The following SCTR variants were observed in gnomAD, a reference collection of about 807,000 sequenced individuals.
SCTR encodes secretin receptor.
In SCTR, 56 loss-of-function variants were observed where a neutral mutation model predicts 60.8. The observed-to-expected ratio is 0.92, with a 90% confidence interval of 0.74 to 1.15. The LOEUF is 1.15. Ranked by LOEUF, SCTR falls within the 50% of genes most tolerant of loss-of-function variation. SCTR has a pLI of 0.00. For synonymous variants in SCTR, 202 were observed against 217.0 expected (o/e 0.93, Z 0.61); for missense variants, 562 against 550.4 (o/e 1.02, Z -0.21).
intron 5 of SCTR, 48 bp downstream of exon 5, chr2:119,465,741 T>C (rs1479363500): frequency 1.5e-6 from 2 of 1,302,034 alleles, no homozygotes; most frequent in Non-Finnish European, 2.2e-6. Context: ...ACCCAAAGTC[T>C]GTACCTGAGG....
chr2:119,448,864 G>A (rs1373300556), intron 9 of SCTR, 84 bp from the exon 10 acceptor site: 3 of 744,732 alleles, frequency 4.0e-6, no homozygotes, highest in Admixed American at 2.1e-5. Flanking sequence ...GGACCTGAGG[G>A]CAGAGAAGAC....
intron 7 of SCTR, among the ~76,000 whole-genome samples, chr2:119,456,543 AG>A (rs1249768498): frequency 5.9e-5 from 9 of 152,316 alleles, no homozygotes; most frequent in Admixed American, 2.0e-4. Context: ...GAAAGGAAAC[AG>A]GATTTGTGGA....
At position 119,515,728 on chromosome 2, in the gene SCTR, T is replaced by A. The variant is rs944669506; in HGVS notation, c.72+8427A>T. Among the ~76,000 whole-genome samples the A allele has an allele frequency of 6.6e-5, 10 of 152,182 alleles. 1 individual carries two copies. The highest frequency in any genetic ancestry group is 2.4e-4 in the African/African-American group (10 of 41,456). On this transcript the variant is annotated intron_variant, in intron 1 of 12. Transcript: ENST00000019103. ...AGCTTCTGACTGAGTTCCACCATCA[T>A]CTTCCCTGATTCTGAGGCGGTCAGA...
intron 1 of SCTR, among the ~76,000 whole-genome samples, chr2:119,496,898 C>T (rs895363751): frequency 6.6e-6 from 1 of 152,132 alleles, no homozygotes; most frequent in African/African-American, 2.4e-5. Context: ...TGGTAACCAG[C>T]CTTGGTGATG....
At chr2:119,473,607 T>C in intron 3 of SCTR, 51 bp from the exon 4 acceptor site, 1 of 1,101,458 alleles carries the variant, frequency 9.1e-7, no homozygotes, top group Non-Finnish European at 1.4e-6. Flanking sequence ...GGCACTGTGA[T>C]TTTCATAGTA....
At chr2:119,444,434 TACAC>T (rs1558831289) in intron 11 of SCTR, among the ~76,000 whole-genome samples, 8 of 109,324 alleles carry the variant, frequency 7.3e-5, no homozygotes, top group Non-Finnish European at 1.1e-4. Flanking sequence ...CGTATGAATA[TACAC>T]ATATATATAC....
At chr2:119,519,042 A>G (rs1172506207) in intron 1 of SCTR, among the ~76,000 whole-genome samples, 3 of 151,980 alleles carry the variant, frequency 2.0e-5, no homozygotes, top group Non-Finnish European at 4.4e-5. Flanking sequence ...ATCTCAGCTG[A>G]CTGCAACCTC....
intron 7 of SCTR, among the ~76,000 whole-genome samples, chr2:119,459,403 A>G (rs966456817): frequency 7.0e-6 from 1 of 142,656 alleles, no homozygotes; most frequent in African/African-American, 2.8e-5. Flanking sequence ...GGACTAGGGT[A>G]ATTTTTTTTT....
intron 1 of SCTR, among the ~76,000 whole-genome samples, chr2:119,498,102 G>A (rs964561923): frequency 6.6e-6 from 1 of 151,986 alleles, no homozygotes; most frequent in African/African-American, 2.4e-5. Flanking sequence ...GAAAACTAAA[G>A]ACTAAGAAAA....
Position 119,465,690 on chromosome 2 carries a change from A to C in SCTR, c.503+99T>G, listed in dbSNP as rs937753459. On this transcript the variant is annotated intron_variant, in intron 5 of 12. Coordinates refer to ENST00000019103, the MANE Select transcript of SCTR (RefSeq NM_002980.3). ...AGATCAAGAGACGACAAGGTAGTTC[A>C]CTCAGACCTTCCTCTTTCTGTCCTG... is the stretch of plus-strand genomic sequence containing the variant. The C allele has an allele frequency of 3.7e-6, 3 of 812,222 alleles. No individual in the cohort carries two copies. The African/African-American group carries it at 5.0e-5, about 14-fold the overall frequency. 50.3% of individuals were successfully genotyped at this position (812,222 alleles called of 1,614,324 possible). A position where few individuals can be genotyped will look rare whatever the true frequency, so the allele number is the denominator to read the frequency against.
intron 7 of SCTR, among the ~76,000 whole-genome samples, chr2:119,459,891 G>T (rs1309534041): frequency 2.6e-5 from 4 of 152,142 alleles, no homozygotes; most frequent in African/African-American, 9.7e-5. Flanking sequence ...TGGCGTATCT[G>T]GGATTTAAAG....
At chr2:119,478,304 G>A (rs1639707646) in intron 3 of SCTR, among the ~76,000 whole-genome samples, 1 of 152,196 alleles carries the variant, frequency 6.6e-6, no homozygotes, top group Admixed American at 6.5e-5. Context: ...AGTCAACTAG[G>A]AAAATTCTTA....
At chr2:119,494,805 G>T (rs544063326) in intron 1 of SCTR, among the ~76,000 whole-genome samples, 1 of 152,270 alleles carries the variant, frequency 6.6e-6, no homozygotes, top group African/African-American at 2.4e-5. Flanking sequence ...GTTTATGAAG[G>T]CTCCTGAGCC....
chr2:119,488,492 C>T (rs1677980518), intron 2 of SCTR, among the ~76,000 whole-genome samples: 1 of 152,244 alleles, frequency 6.6e-6, no homozygotes, highest in Non-Finnish European at 1.5e-5. Flanking sequence ...GCGGAAAGCG[C>T]TGGTTCACTG....
At chr2:119,444,144 C>T (rs11123524) in intron 11 of SCTR, among the ~76,000 whole-genome samples, 18,949 of 143,370 alleles carry the variant, frequency 0.13, 1,635 homozygotes, top group East Asian at 0.3. Flanking sequence ...AATATATATA[C>T]ATATTCTTAT....
At position 119,494,454 on chromosome 2, in the gene SCTR, T is replaced by A. The variant is rs766967430; in HGVS notation, c.167A>T (p.Asp56Val). ...LQELSREQTGDLGTEQPVPGC... is the reference protein window; with the variant it reads ...LQELSREQTGVLGTEQPVPGC... ...TGGCACTGGCTGCTCCGTGCCCAGG[T>A]CTCCTGTCTGCTCTCTGGAGAGTTC... Residue 56 changes from aspartate (D) to valine (V), a missense_variant, in exon 2 of 13, where the codon GAC becomes GTC. By Grantham distance (152) the Asp-to-Val change is radical. Transcript: ENST00000019103. 5 of 1,613,890 alleles carry A rather than the reference T, an allele frequency of 3.1e-6. No homozygotes were observed. In the African/African-American group the frequency reaches 5.3e-5, roughly 17 times the overall value.
At chr2:119,518,912 G>A (rs1573934749) in intron 1 of SCTR, among the ~76,000 whole-genome samples, 1 of 152,276 alleles carries the variant, frequency 6.6e-6, no homozygotes, top group East Asian at 1.9e-4. Flanking sequence ...TGAGGACAGG[G>A]TGAGGTTGGG....
chr2:119,518,616 T>G (rs1331266925), intron 1 of SCTR, among the ~76,000 whole-genome samples: 2 of 152,210 alleles, frequency 1.3e-5, no homozygotes, highest in African/African-American at 2.4e-5. Context: ...AGCAGCCTTC[T>G]GTTTGTAATG....
At chr2:119,444,045 G>A (rs1320471028) in intron 11 of SCTR, among the ~76,000 whole-genome samples, 1 of 151,716 alleles carries the variant, frequency 6.6e-6, no homozygotes, top group African/African-American at 2.4e-5. Context: ...GGATACCGCT[G>A]AGGCTGGGGA....
Sources: allele counts gnomAD v4.1 joint callset (sites outside exome capture counted in the v4.1 genomes callset), GRCh38; gene constraint gnomAD v4.1.1; transcripts MANE v1.5; gene names NCBI Gene and HGNC (gene_info 2026-07-23, HGNC 2026-07-21).